The following C10orf90 variants were observed in gnomAD, a reference collection of about 807,000 sequenced individuals.
The protein encoded by C10orf90 is (E2-independent) E3 ubiquitin-conjugating enzyme FATS.
C10orf90 carries 56 observed loss-of-function variants against 62.5 expected under a neutral mutation model. That is an observed-to-expected ratio of 0.90 (90% CI 0.72 to 1.12). The LOEUF (loss-of-function observed/expected upper bound fraction) is 1.12, where lower values mean the gene tolerates loss of function less well. C10orf90 is among the 50% of genes most tolerant of loss of function. C10orf90 has a pLI of 0.00. For synonymous variants in C10orf90, 386 were observed against 340.4 expected (o/e 1.13, Z -1.47); for missense variants, 970 against 880.4 (o/e 1.10, Z -1.29).
At chr10:126,529,582 C>T (rs1864039797) in intron 2 of C10orf90, among the ~76,000 whole-genome samples, 1 of 152,172 alleles carries the variant, frequency 6.6e-6, no homozygotes, top group Admixed American at 6.5e-5. Context: ...AGGCATTTCT[C>T]AATAGAATCA....
intron 7 of C10orf90, among the ~76,000 whole-genome samples, chr10:126,441,761 A>G (rs183589491): frequency 2.6e-5 from 4 of 152,324 alleles, no homozygotes; most frequent in Non-Finnish European, 5.9e-5. Flanking sequence ...TTATCAGCCA[A>G]GAATTTTGTA....
intron 4 of C10orf90, among the ~76,000 whole-genome samples, chr10:126,495,921 T>C (rs1358052962): frequency 1.3e-5 from 2 of 152,204 alleles, no homozygotes; most frequent in African/African-American, 4.8e-5. Flanking sequence ...GTCCCCACCA[T>C]GAGCCCAACT....
chr10:126,486,412 T>C (rs977182250), intron 4 of C10orf90, among the ~76,000 whole-genome samples: 3 of 152,094 alleles, frequency 2.0e-5, no homozygotes, highest in African/African-American at 4.8e-5. Context: ...TAACAATATA[T>C]ATGGACCAGA....
intron 3 of C10orf90, among the ~76,000 whole-genome samples, chr10:126,507,021 TG>T (rs781453520): frequency 9.9e-5 from 15 of 152,204 alleles, no homozygotes; most frequent in Non-Finnish European, 2.1e-4. Flanking sequence ...TGGCTTGTTT[TG>T]CATGACAATC....
At chr10:126,667,578 G>T (rs923756549) in intron 1 of C10orf90, among the ~76,000 whole-genome samples, 8 of 152,112 alleles carry the variant, frequency 5.3e-5, no homozygotes, top group Non-Finnish European at 1.2e-4. Flanking sequence ...CCATCAGAAA[G>T]GTCTCCACAA....
intron 7 of C10orf90, among the ~76,000 whole-genome samples, chr10:126,432,170 G>T (rs1843043110): frequency 6.6e-6 from 1 of 152,178 alleles, no homozygotes; most frequent in African/African-American, 2.4e-5. Context: ...TTGAAATAGA[G>T]CAAGTGCATT....
intron 6 of C10orf90, among the ~76,000 whole-genome samples, chr10:126,460,715 C>T (rs1366378916): frequency 1.3e-5 from 2 of 152,108 alleles, no homozygotes; most frequent in African/African-American, 2.4e-5. Flanking sequence ...ACCCAGGTCC[C>T]ACCGAGGCCC....
intron 2 of C10orf90, among the ~76,000 whole-genome samples, chr10:126,526,642 C>T (rs1463427666): frequency 6.6e-6 from 1 of 152,076 alleles, no homozygotes; most frequent in Admixed American, 6.5e-5. Context: ...GTATATTCAC[C>T]AAGTTATGCA....
chr10:126,462,680 A>G (rs1242865355), intron 5 of C10orf90, among the ~76,000 whole-genome samples: 2 of 152,184 alleles, frequency 1.3e-5, no homozygotes, highest in Middle Eastern at 6.8e-3. Context: ...TTCTCTGGGG[A>G]GTGGAGAGGT....
At chr10:126,661,738 T>A (rs1040974265) in intron 1 of C10orf90, among the ~76,000 whole-genome samples, 2 of 151,986 alleles carry the variant, frequency 1.3e-5, no homozygotes, top group African/African-American at 4.8e-5. Context: ...CAGCATCCAA[T>A]CTGCTGTTAA....
At position 126,611,809 on chromosome 10, in the gene C10orf90, T is replaced by C. The variant is rs547464753; in HGVS notation, c.313+34756A>G. Among the ~76,000 whole-genome samples the C allele has an allele frequency of 1.9e-4, 29 of 152,300 alleles. No homozygotes were observed. In the East Asian group the frequency reaches 2.3e-3, roughly 12 times the overall value. ...CAGCCTCTCACCATTTCTGGGGTTCTCTCTGGGCTCCAAGGGTACACAGTA... is the reference window on the plus strand; with the variant it reads ...CAGCCTCTCACCATTTCTGGGGTTCCCTCTGGGCTCCAAGGGTACACAGTA... On this transcript the variant is annotated intron_variant, in intron 2 of 9. Transcript: ENST00000488181.
intron 1 of C10orf90, among the ~76,000 whole-genome samples, chr10:126,650,545 C>T (rs925017504): frequency 2.0e-5 from 3 of 152,040 alleles, no homozygotes; most frequent in African/African-American, 7.2e-5. Flanking sequence ...AAAGTCACAC[C>T]CCCCTAGTAA....
At chr10:126,545,991 C>T (rs546953454) in intron 2 of C10orf90, among the ~76,000 whole-genome samples, 22 of 152,188 alleles carry the variant, frequency 1.4e-4, no homozygotes, top group African/African-American at 4.1e-4. Flanking sequence ...CTATGGACCT[C>T]GAGACCCAAA....
At chr10:126,583,461 G>T (rs1205569386) in intron 2 of C10orf90, among the ~76,000 whole-genome samples, 1 of 152,018 alleles carries the variant, frequency 6.6e-6, no homozygotes, top group Non-Finnish European at 1.5e-5. Flanking sequence ...TTATATTTCA[G>T]GTTTAAAAGC....
chr10:126,548,484 T>C (rs1591088003), intron 2 of C10orf90, among the ~76,000 whole-genome samples: 1 of 152,148 alleles, frequency 6.6e-6, no homozygotes, highest in East Asian at 1.9e-4. Context: ...CTCCTGCCTC[T>C]GCCTCCCCAG....
chr10:126,534,637 A>G (rs993968523), intron 2 of C10orf90, among the ~76,000 whole-genome samples: 2 of 152,104 alleles, frequency 1.3e-5, no homozygotes, highest in Non-Finnish European at 2.9e-5. Context: ...TCCACTTCCA[A>G]AGGAAGAGAA....
chr10:126,471,168 A>G (rs1011575823), intron 4 of C10orf90, among the ~76,000 whole-genome samples: 1 of 152,192 alleles, frequency 6.6e-6, no homozygotes, highest in African/African-American at 2.4e-5. Flanking sequence ...GCAAAAGCAG[A>G]GCTGGAGCTG....
At chr10:126,484,109 T>G (rs1490267902) in intron 4 of C10orf90, among the ~76,000 whole-genome samples, 1 of 152,150 alleles carries the variant, frequency 6.6e-6, no homozygotes, top group African/African-American at 2.4e-5. Context: ...CAAAGAAAGT[T>G]ATCCTTCTCT....
chr10:126,433,778 T>C (rs550411800), intron 7 of C10orf90, among the ~76,000 whole-genome samples: 1 of 152,270 alleles, frequency 6.6e-6, no homozygotes, highest in African/African-American at 2.4e-5. Flanking sequence ...ATAAAATTAC[T>C]CTTAATGGAA....
Sources: gnomAD v4.1 joint callset for allele counts (sites outside exome capture counted in the v4.1 genomes callset) on GRCh38, gnomAD v4.1.1 for gene constraint, MANE v1.5 for transcripts, NCBI Gene and HGNC (gene_info 2026-07-23, HGNC 2026-07-21) for gene names.